Variants in SEMA4D observed in about 807,000 individuals in gnomAD.
The protein encoded by SEMA4D is semaphorin-4D.
A neutral mutation model predicts 74.8 loss-of-function variants in SEMA4D; 22 were observed. That is an observed-to-expected ratio of 0.29 (90% confidence interval 0.21 to 0.42). SEMA4D has a LOEUF of 0.42. Ranked by LOEUF, SEMA4D falls within the 10% of genes least tolerant of loss-of-function variation. SEMA4D has a pLI of 1.00. For missense variants in SEMA4D, 937 were observed against 1,118.4 expected (o/e 0.84, Z 2.31); for synonymous variants, 445 against 463.7 (o/e 0.96, Z 0.52).
At chr9:89,478,692 T>A (rs991439072) in intron 1 of SEMA4D, among the ~76,000 whole-genome samples, 1 of 152,058 alleles carries the variant, frequency 6.6e-6, no homozygotes, top group Non-Finnish European at 1.5e-5. Context: ...ACTGCACCCT[T>A]GTTAGGGGTC....
intron 16 of SEMA4D, among the ~76,000 whole-genome samples, chr9:89,369,997 G>T (rs1316710984): frequency 6.6e-6 from 1 of 151,726 alleles, no homozygotes; most frequent in Non-Finnish European, 1.5e-5. Context: ...GTGTAACAGT[G>T]GTATGATTGG....
At chr9:89,362,408 G>C (rs1026236994) in exon 19 of SEMA4D, 3 of 1,614,008 alleles carry the variant, frequency 1.9e-6, no homozygotes, top group Middle Eastern at 1.6e-4. Context: ...GTGGCTACAG[G>C]GTGTCCTTGC....
chr9:89,491,526 C>T (rs544780522), intron 1 of SEMA4D, among the ~76,000 whole-genome samples: 43 of 152,310 alleles, frequency 2.8e-4, no homozygotes, highest in African/African-American at 9.9e-4. Context: ...GCTGAGATCA[C>T]ACCACTGCAT....
chr9:89,489,414 G>A (rs1825453983), intron 1 of SEMA4D, among the ~76,000 whole-genome samples: 1 of 152,170 alleles, frequency 6.6e-6, no homozygotes, highest in Non-Finnish European at 1.5e-5. Flanking sequence ...GTGGCATTTA[G>A]TACATTCGCA....
At chr9:89,413,359 G>C (rs1247188767) in intron 2 of SEMA4D, among the ~76,000 whole-genome samples, 3 of 152,220 alleles carry the variant, frequency 2.0e-5, no homozygotes, top group Non-Finnish European at 4.4e-5. Context: ...TTCAAATCAA[G>C]GCAGGAGATC....
At chr9:89,410,304 A>G (rs1844249945) in intron 2 of SEMA4D, among the ~76,000 whole-genome samples, 3 of 152,208 alleles carry the variant, frequency 2.0e-5, no homozygotes, top group Non-Finnish European at 2.9e-5. Flanking sequence ...AGTTCTGAGT[A>G]TTTTACCTTT....
In SEMA4D at chr9:89,454,885, T is replaced by C. The variant is rs1855558214; in HGVS notation, c.-244+1003A>G. On this transcript the variant is annotated intron_variant, in intron 2 of 15. Coordinates refer to ENST00000422704, the MANE Select transcript of SEMA4D (RefSeq NM_001371194.2). ...ACAGGACTCTGCCCAGGCGTGTGCCTAGCACGGGTGAGGAAGCCCCGCCCC... is the reference window on the plus strand; with the variant it reads ...ACAGGACTCTGCCCAGGCGTGTGCCCAGCACGGGTGAGGAAGCCCCGCCCC... Among the ~76,000 whole-genome samples, 2 of 152,188 alleles carry C rather than the reference T, an allele frequency of 1.3e-5. 1 individual carries two copies. The highest frequency in any genetic ancestry group is 4.1e-4 in the South Asian group (2 of 4,828).
chr9:89,394,216 G>A (rs1479145941), intron 6 of SEMA4D, among the ~76,000 whole-genome samples: 1 of 152,140 alleles, frequency 6.6e-6, no homozygotes, highest in African/African-American at 2.4e-5. Context: ...TTTCCATCTG[G>A]GGGTCCTCTC....
Position 89,484,165 on chromosome 9 carries a change from C to A in SEMA4D, c.-310+13754G>T, listed in dbSNP as rs1396701236. Among the ~76,000 whole-genome samples the A allele has an allele frequency of 6.6e-6, 1 of 152,222 alleles. No individual in the cohort carries two copies. The highest frequency in any genetic ancestry group is 1.5e-5 in the Non-Finnish European group (1 of 68,044). ...CCGCGGCCACCCCGCCCTGCAGGCC[C>A]ACCTGCAGCTGGGCTGCATCTGGGA... On this transcript the variant is annotated intron_variant, in intron 1 of 15. Coordinates refer to ENST00000422704, the MANE Select transcript of SEMA4D (RefSeq NM_001371194.2). This position sits in a 1 kb window ranked among gnomAD's most constrained non-coding sequence, Gnocchi z 4.1.
chr9:89,431,726 A>C (rs1849317751), intron 2 of SEMA4D, among the ~76,000 whole-genome samples: 1 of 151,918 alleles, frequency 6.6e-6, no homozygotes, highest in Non-Finnish European at 1.5e-5. Context: ...TTGAATTCCT[A>C]GGCTCAAGTG....
At chr9:89,436,811 G>C (rs771252752) in intron 2 of SEMA4D, among the ~76,000 whole-genome samples, 2 of 152,238 alleles carry the variant, frequency 1.3e-5, no homozygotes, top group Non-Finnish European at 2.9e-5. Context: ...CGCCTGGCGA[G>C]GGCAAGCTCC....
chr9:89,400,639 A>C (rs1410137117), intron 4 of SEMA4D, among the ~76,000 whole-genome samples: 1 of 152,212 alleles, frequency 6.6e-6, no homozygotes, highest in Non-Finnish European at 1.5e-5. Context: ...GTCTCATTTA[A>C]AATAGCCACT....
At chr9:89,376,887 G>A (rs1287339198), downstream of SEMA4D, 1 of 1,550,892 alleles carries the variant, frequency 6.4e-7, no homozygotes, top group Admixed American at 2.0e-5. Context: ...TGCTGTGCCT[G>A]GTCACTCAGG....
At chr9:89,495,069 G>A (rs887870003) in intron 1 of SEMA4D, among the ~76,000 whole-genome samples, 1 of 152,100 alleles carries the variant, frequency 6.6e-6, no homozygotes, top group African/African-American at 2.4e-5. Context: ...GTGATCCAGG[G>A]CAGGGATGCA....
At chr9:89,389,636 A>G (rs566594867) in intron 9 of SEMA4D, among the ~76,000 whole-genome samples, 1 of 152,378 alleles carries the variant, frequency 6.6e-6, no homozygotes, top group South Asian at 2.1e-4. Flanking sequence ...GATGACCAAG[A>G]CACAATTATA....
chr9:89,450,328 T>G lies in SEMA4D; in HGVS notation c.-244+5560A>C. 5 of 928,574 alleles carry G rather than the reference T, an allele frequency of 5.4e-6. No individual in the cohort carries two copies. In the East Asian group the frequency reaches 1.2e-4, roughly 22 times the overall value. The allele number at this position is 928,574 out of a possible 1,614,324, so 57.5% of individuals were successfully genotyped here. A position where few individuals can be genotyped will look rare whatever the true frequency, so the allele number is the denominator to read the frequency against. Reference sequence around the variant, plus strand: ...TGAGACCCCTCCAAACAGTATGGACTGAAAATGAAAACTTGACATGCCTTC... The same window carrying G: ...TGAGACCCCTCCAAACAGTATGGACGGAAAATGAAAACTTGACATGCCTTC... On this transcript the variant is annotated intron_variant, in intron 2 of 15. Transcript: ENST00000422704.
chr9:89,483,031 C>T (rs1295958272), intron 1 of SEMA4D, among the ~76,000 whole-genome samples: 2 of 152,224 alleles, frequency 1.3e-5, no homozygotes, highest in Admixed American at 6.5e-5. Context: ...GGTCCTGCAG[C>T]GACTGGTGTC....
intron 1 of SEMA4D, chr9:89,472,319 G>A: frequency 2.3e-6 from 1 of 438,402 alleles, no homozygotes; most frequent in Non-Finnish European, 4.5e-6. Context: ...CAGAAAGGAG[G>A]AGGAGATGGC....
intron 12 of SEMA4D, 161 bp downstream of exon 12, chr9:89,387,225 G>A (rs1588216163): frequency 1.5e-5 from 9 of 607,442 alleles, no homozygotes; most frequent in East Asian, 1.1e-4. Context: ...ACCTGGTGTG[G>A]TGACTTCTCA....
Sources: allele counts gnomAD v4.1 joint callset (sites outside exome capture counted in the v4.1 genomes callset), GRCh38; gene constraint gnomAD v4.1.1; non-coding constraint Gnocchi (gnomAD v3.1); transcripts MANE v1.5; gene names NCBI Gene and HGNC (gene_info 2026-07-23, HGNC 2026-07-21).